Variants in CDC73 observed in about 807,000 individuals in gnomAD.
CDC73 encodes the protein parafibromin.
In CDC73, 21 loss-of-function variants were observed where a neutral mutation model predicts 83.7. The observed-to-expected ratio is 0.25, with a 90% confidence interval of 0.18 to 0.36. The LOEUF (loss-of-function observed/expected upper bound fraction) is 0.36, where lower values mean the gene tolerates loss of function less well. Ranked by LOEUF, CDC73 falls within the 10% of genes least tolerant of loss-of-function variation. The pLI, the probability that CDC73 is intolerant of heterozygous loss-of-function variation, is 1.00. For synonymous variants in CDC73, 224 were observed against 212.9 expected (o/e 1.05, Z -0.45); for missense variants, 342 against 653.3 (o/e 0.52, Z 5.19).
In CDC73 at chr1:193,232,808, C is replaced by T. The variant is rs373489796; in HGVS notation, c.1155-185C>T. Among the ~76,000 whole-genome samples, 16 of 151,866 alleles carry T rather than the reference C, an allele frequency of 1.1e-4. No homozygotes were observed. The East Asian group carries it at 1.2e-3, about 11-fold the overall frequency. ...ATCTCAGCAACTTGGGAGGCTGAGGCAGGAGAATCGCTTGAAACCAGAAGG... is the reference window on the plus strand; with the variant it reads ...ATCTCAGCAACTTGGGAGGCTGAGGTAGGAGAATCGCTTGAAACCAGAAGG... On this transcript the variant is annotated intron_variant, in intron 13 of 16. Transcript: ENST00000367435.
At chr1:193,189,512 C>G (rs1284642367) in intron 10 of CDC73, among the ~76,000 whole-genome samples, 3 of 152,172 alleles carry the variant, frequency 2.0e-5, no homozygotes, top group Non-Finnish European at 4.4e-5. Context: ...ATTCAGCAAA[C>G]TGGCAGCTAT....
intron 7 of CDC73, among the ~76,000 whole-genome samples, chr1:193,143,340 G>T (rs1207023776): frequency 6.6e-6 from 1 of 152,090 alleles, no homozygotes; most frequent in African/African-American, 2.4e-5. Flanking sequence ...GAGAAATATT[G>T]TGACTTACGT....
intron 13 of CDC73, among the ~76,000 whole-genome samples, chr1:193,219,742 C>T (rs952653489): frequency 4.6e-5 from 7 of 152,044 alleles, no homozygotes; most frequent in African/African-American, 1.7e-4. Context: ...AGGGTGGAAG[C>T]TGGGAAGAGG....
chr1:193,214,547 C>T (rs2102040532), intron 13 of CDC73, among the ~76,000 whole-genome samples: 1 of 152,174 alleles, frequency 6.6e-6, no homozygotes, highest in East Asian at 1.9e-4. Flanking sequence ...GAAACCCCGT[C>T]TCTACTAAAA....
At chr1:193,183,264 G>T (rs1676750097) in intron 10 of CDC73, among the ~76,000 whole-genome samples, 1 of 151,214 alleles carries the variant, frequency 6.6e-6, no homozygotes, top group Non-Finnish European at 1.5e-5. Flanking sequence ...AAATATCTAA[G>T]GTCCAACCAT....
chr1:193,185,989 A>G (rs1676799620), intron 10 of CDC73: 1 of 152,244 alleles, frequency 6.6e-6, no homozygotes, highest in Admixed American at 6.6e-5. Context: ...ACACATTTAA[A>G]TGACTATCAT....
chr1:193,235,550 T>C (rs1040333509), intron 14 of CDC73, among the ~76,000 whole-genome samples: 54 of 152,306 alleles, frequency 3.5e-4, no homozygotes, highest in African/African-American at 1.2e-3. Context: ...CTTCTTATAA[T>C]TTCTCAATTC....
intron 13 of CDC73, among the ~76,000 whole-genome samples, chr1:193,230,152 T>C (rs1456542709): frequency 6.6e-6 from 1 of 151,462 alleles, no homozygotes; most frequent in Non-Finnish European, 1.5e-5. Flanking sequence ...TCTTTTTTTT[T>C]TTTTTTTTTC....
intron 13 of CDC73, among the ~76,000 whole-genome samples, chr1:193,217,185 G>C (rs79053747): frequency 0.041 from 6,284 of 152,166 alleles, 411 homozygotes; most frequent in African/African-American, 0.14. Context: ...CCGACGGGCA[G>C]GCTGTGGAGC....
intron 11 of CDC73, among the ~76,000 whole-genome samples, chr1:193,211,647 G>A (rs1677282717): frequency 6.6e-6 from 1 of 152,190 alleles, no homozygotes; most frequent in South Asian, 2.1e-4. Flanking sequence ...ACTAAAGGGT[G>A]GGTAGTGTAT....
rs180972900 is a variant in CDC73 at position 193,123,079 on chromosome 1, G to A, written c.131+748G>A. Among the ~76,000 whole-genome samples, 906 of 152,256 alleles carry A rather than the reference G, an allele frequency of 6.0e-3. 7 individuals are homozygous for A. Among genetic ancestry groups the A allele is most frequent in the African/African-American group, 0.021 (881 of 41,552 alleles). ...CTAGAGACGGCTCTAACAGTCATTA[G>A]GGGCCTTTTTAATGATGTCACTGTC... On this transcript the variant is annotated intron_variant, in intron 1 of 16. Transcript: ENST00000367435.
rs186051161 is a variant in CDC73 at position 193,229,823 on chromosome 1, T to C, written c.1155-3170T>C. Among the ~76,000 whole-genome samples the C allele has an allele frequency of 2.6e-3, 401 of 152,304 alleles. 1 individual carries two copies. Among genetic ancestry groups the C allele is most frequent in the Non-Finnish European group, 4.3e-3 (292 of 68,034 alleles). On this transcript the variant is annotated intron_variant, in intron 13 of 16. Transcript: ENST00000367435. ...CAGGTACAAAATAATACATCTGGTA[T>C]ATGAGTGTGTCTATATAAATTCCCA...
intron 13 of CDC73, among the ~76,000 whole-genome samples, chr1:193,213,333 T>C (rs765482954): frequency 6.1e-4 from 93 of 151,688 alleles, no homozygotes; most frequent in Non-Finnish European, 1.1e-3. Context: ...ATCAAGTTTT[T>C]TAGACACAGT....
At chr1:193,164,175 A>T (rs189108666) in intron 10 of CDC73, among the ~76,000 whole-genome samples, 2 of 152,352 alleles carry the variant, frequency 1.3e-5, no homozygotes, top group African/African-American at 4.8e-5. Flanking sequence ...AGACTAGTCC[A>T]TAGTACATAG....
intron 10 of CDC73, among the ~76,000 whole-genome samples, chr1:193,190,880 C>T (rs1433128766): frequency 6.6e-6 from 1 of 152,022 alleles, no homozygotes; most frequent in Non-Finnish European, 1.5e-5. Flanking sequence ...ACGAGGTGTT[C>T]TAGAAGTTTG....
At position 193,153,414 on chromosome 1, in the gene CDC73, G is replaced by A. The variant is rs143373142; in HGVS notation, c.972+970G>A. ...TATACTTTTAAAATACTATGCATGT[G>A]TATTAAATAGAGTATACTTAAGACA... On this transcript the variant is annotated intron_variant, in intron 10 of 16. Coordinates refer to ENST00000367435, the MANE Select transcript of CDC73 (RefSeq NM_024529.5). Among the ~76,000 whole-genome samples, 370 of 152,216 alleles carry A rather than the reference G, an allele frequency of 2.4e-3. 6 individuals carry two copies. Among genetic ancestry groups the A allele is most frequent in the African/African-American group, 8.4e-3 (351 of 41,556 alleles).
intron 9 of CDC73, among the ~76,000 whole-genome samples, chr1:193,151,537 T>C (rs10754049): frequency 0.72 from 110,110 of 152,110 alleles, 40,140 homozygotes; most frequent in South Asian, 0.81. Context: ...TTTTAAGGCT[T>C]GCAATGTGTT....
chr1:193,194,673 G>T (rs576022296), intron 10 of CDC73, among the ~76,000 whole-genome samples: 1 of 152,142 alleles, frequency 6.6e-6, no homozygotes, highest in African/African-American at 2.4e-5. Context: ...TTGGATTTTT[G>T]CTAATTGCAG....
rs74130938 is a variant in CDC73 at position 193,235,921 on chromosome 1, T to G, written c.1317-335T>G. On this transcript the variant is annotated intron_variant, in intron 14 of 16. Coordinates refer to ENST00000367435, the MANE Select transcript of CDC73 (RefSeq NM_024529.5). ...ATAGTTATCAACCACTATTCCCTAT[T>G]ACATTGGAAAAGTGGGCCACTACTC... Among the ~76,000 whole-genome samples the G allele has an allele frequency of 0.041, 6,218 of 152,228 alleles. 403 individuals carry two copies. The highest frequency in any genetic ancestry group is 0.14 in the African/African-American group (5,865 of 41,502).
Sources: allele counts gnomAD v4.1 joint callset (sites outside exome capture counted in the v4.1 genomes callset), GRCh38; gene constraint gnomAD v4.1.1; transcripts MANE v1.5; gene names NCBI Gene and HGNC (gene_info 2026-07-23, HGNC 2026-07-21).